The following PKD1L1 variants were observed in gnomAD, a reference collection of about 807,000 sequenced individuals.
The protein encoded by PKD1L1 is polycystin-1-like protein 1.
Under a neutral mutation model 323.4 loss-of-function variants are expected in PKD1L1, and 236 were observed. The ratio of observed to expected loss-of-function variants is 0.73; its 90% CI spans 0.66 to 0.81. The LOEUF (loss-of-function observed/expected upper bound fraction) is 0.81. Among genes scored for constraint, PKD1L1 ranks in the 40% least tolerant of loss-of-function variants. PKD1L1 has a pLI of 0.00. For synonymous variants in PKD1L1, 1,344 were observed against 1,335.0 expected (o/e 1.01, Z -0.15); for missense variants, 3,320 against 3,508.0 (o/e 0.95, Z 1.35).
chr7:47,849,815 T>C (rs892422249), intron 31 of PKD1L1, among the ~76,000 whole-genome samples: 13 of 152,204 alleles, frequency 8.5e-5, no homozygotes, highest in Admixed American at 5.9e-4. Context: ...ATGGTATGTA[T>C]GCACCATGGA....
Position 47,839,772 on chromosome 7 carries a change from T to C in PKD1L1, c.5553-110A>G. 9.3e-7 allele frequency: 1 copy of C among 1,072,984 alleles called. No individual in the cohort carries two copies. The highest frequency in any genetic ancestry group is 1.4e-6 in the Non-Finnish European group (1 of 736,746). The allele number at this position is 1,072,984 out of a possible 1,614,324, so 66.5% of individuals were successfully genotyped here. A position where few individuals can be genotyped will look rare whatever the true frequency, so the allele number is the denominator to read the frequency against. ...GCACTGATGGCCCACAGAGGGTGGA[T>C]GGGACATGTCAAAGGTGACTGACAT... is the stretch of plus-strand genomic sequence containing the variant. On this transcript the variant is annotated intron_variant, in intron 35 of 56. Transcript: ENST00000289672. The surrounding 1 kb of genome is among the most constrained non-coding windows in gnomAD (Gnocchi z 4.3).
Position 47,788,157 on chromosome 7 carries a change from AATATGTTTT to A in PKD1L1, c.8526+4461_8526+4469del, listed in dbSNP as rs1786854792. On this transcript the variant is annotated intron_variant, in intron 56 of 56. Coordinates refer to ENST00000289672, the MANE Select transcript of PKD1L1 (RefSeq NM_138295.5). ...AAATATCGATTTCATTTTTATTAAG[AATATGTTTT>A]AATACTTAGGAATGAATGTTGAATT... 2.0e-5 allele frequency among the ~76,000 whole-genome samples: 3 copies of A among 151,974 alleles called. No homozygotes were observed. In the South Asian group the frequency reaches 6.2e-4, roughly 32 times the overall value.
chr7:47,866,620 G>A lies in PKD1L1; in HGVS notation c.3897-6C>T, dbSNP rs1183147443. On this transcript the variant is annotated splice_region_variant and splice_polypyrimidine_tract_variant and intron_variant, in intron 24 of 56. Coordinates refer to ENST00000289672, the MANE Select transcript of PKD1L1 (RefSeq NM_138295.5). ...TTTTCAGGCTGGAATTATACCTGAA[G>A]GAAACACAAGAGTTATCATTACTGT... 1 of 1,591,452 alleles carries A rather than the reference G, an allele frequency of 6.3e-7. No individual in the cohort carries two copies. The highest frequency in any genetic ancestry group is 2.2e-5 in the East Asian group (1 of 44,484).
chr7:47,823,068 C>G (rs1418524463), intron 45 of PKD1L1, among the ~76,000 whole-genome samples: 1 of 151,942 alleles, frequency 6.6e-6, no homozygotes, highest in Non-Finnish European at 1.5e-5. Flanking sequence ...CTTTCTCTTG[C>G]CTATTGCATT....
At chr7:47,795,867 T>G (rs1784514342) in intron 55 of PKD1L1, 122 bp downstream of exon 55, 10 of 1,222,180 alleles carry the variant, frequency 8.2e-6, no homozygotes, top group Non-Finnish European at 1.2e-5. Flanking sequence ...TTTGTGGCTT[T>G]GCAAGGAGAT....
chr7:47,956,524 C>CA, the PKD1L1 span, among the ~76,000 whole-genome samples: 2 of 151,958 alleles, frequency 1.3e-5, no homozygotes, highest in South Asian at 4.1e-4. Flanking sequence ...GCTTAAAGAC[C>CA]AAAAAAGACA....
intron 19 of PKD1L1, among the ~76,000 whole-genome samples, chr7:47,883,273 T>TA (rs1355035907): frequency 6.6e-6 from 1 of 152,200 alleles, no homozygotes; most frequent in African/African-American, 2.4e-5. Flanking sequence ...AGCCAACTCT[T>TA]AGAGATTACA....
At chr7:47,794,178 G>A (rs1940077439) in intron 55 of PKD1L1, among the ~76,000 whole-genome samples, 1 of 152,180 alleles carries the variant, frequency 6.6e-6, no homozygotes, top group South Asian at 2.1e-4. Flanking sequence ...TGCATAAGTA[G>A]CAAGCAGCCT....
intron 24 of PKD1L1, among the ~76,000 whole-genome samples, chr7:47,868,197 A>G (rs1583633383): frequency 6.6e-6 from 1 of 152,128 alleles, no homozygotes; most frequent in East Asian, 1.9e-4. Context: ...GTGAAACCCC[A>G]TCTCTACTAA....
At chr7:47,853,921 T>A (rs917103496) in intron 30 of PKD1L1, among the ~76,000 whole-genome samples, 16 of 152,124 alleles carry the variant, frequency 1.1e-4, no homozygotes, top group African/African-American at 3.6e-4. Context: ...TGTTTGCATG[T>A]TTGTGTTAAC....
At chr7:47,885,665 T>G (rs1248653330) in intron 18 of PKD1L1, 21 bp downstream of exon 18, 1 of 1,596,960 alleles carries the variant, frequency 6.3e-7, no homozygotes, top group Non-Finnish European at 8.5e-7. Context: ...AGGGATGACA[T>G]GCAGGAACAG....
chr7:47,912,767 G>C (rs1787347867), intron 8 of PKD1L1, among the ~76,000 whole-genome samples: 1 of 126,010 alleles, frequency 7.9e-6, no homozygotes, highest in Non-Finnish European at 1.6e-5. Flanking sequence ...AGTGAGCCGA[G>C]ATCATGCCAC....
intron 8 of PKD1L1, among the ~76,000 whole-genome samples, chr7:47,912,461 G>C (rs771679043): frequency 2.9e-4 from 44 of 152,126 alleles, no homozygotes; most frequent in Non-Finnish European, 5.7e-4. Flanking sequence ...CTGGAGAAAG[G>C]TGACCCAGAG....
intron 56 of PKD1L1, among the ~76,000 whole-genome samples, chr7:47,784,450 A>T (rs1786762756): frequency 1.3e-5 from 2 of 152,282 alleles, no homozygotes; most frequent in South Asian, 4.1e-4. Context: ...TCATTTTGTC[A>T]TCTCTTTACT....
intron 7 of PKD1L1, among the ~76,000 whole-genome samples, chr7:47,919,217 A>G (rs1294648735): frequency 1.3e-5 from 2 of 152,178 alleles, no homozygotes; most frequent in Non-Finnish European, 2.9e-5. Context: ...CAGAAATACC[A>G]AAGATCATTC....
intron 28 of PKD1L1, among the ~76,000 whole-genome samples, chr7:47,856,319 G>A (rs1446338062): frequency 3.3e-5 from 5 of 152,294 alleles, no homozygotes; most frequent in East Asian, 1.9e-4. Context: ...GATTACAGGC[G>A]TGACCCACTG....
rs1784645191 is a variant in PKD1L1, at chr7:47,800,814, A to G, written c.8028T>C (p.Val2676=). 1 of 1,614,000 alleles carries G rather than the reference A, an allele frequency of 6.2e-7. No homozygotes were observed. The change falls in exon 54 of 57, where the codon GTT becomes GTC. Residue 2676 remains valine (V), a synonymous_variant. Transcript: ENST00000289672. ...CGTCTGTGAAGGTGCCAGGTGGTAG[A>G]ACCCACATAGAGAGCAGAAATCGGT... The part of the protein sequence containing the change: ...HLHRFLLSMW[V]LPPGTFTDAF...
Position 47,898,041 on chromosome 7 carries a change from G to A in PKD1L1, c.2218C>T (p.Leu740Phe), listed in dbSNP as rs764622690. 2 of 1,613,514 alleles carry A rather than the reference G, an allele frequency of 1.2e-6. No individual in the cohort carries two copies. Among genetic ancestry groups the A allele is most frequent in the South Asian group, 2.2e-5 (2 of 91,014 alleles). ...TCCAAGGTGTGGCTCGGGAGGATGA[G>A]GGTCTGTCTGTGAGTGTCCACAGCA... The part of the protein sequence containing the change: ...PAAVDTHRQT[L>F]ILPSHTLEYG... The change falls in exon 14 of 57, where the codon CTC becomes TTC. Residue 740 changes from leucine to phenylalanine, a missense_variant. Physicochemically the swap from Leu to Phe is conservative, Grantham distance 22. Transcript: ENST00000289672.
At chr7:47,867,454 C>T (rs886175386) in intron 24 of PKD1L1, among the ~76,000 whole-genome samples, 12 of 152,126 alleles carry the variant, frequency 7.9e-5, no homozygotes, top group Admixed American at 5.2e-4. Flanking sequence ...ACAAAAACAA[C>T]GACAACAAGC....
Sources: allele counts gnomAD v4.1 joint callset (sites outside exome capture counted in the v4.1 genomes callset), GRCh38; gene constraint gnomAD v4.1.1; non-coding constraint Gnocchi (gnomAD v3.1); transcripts MANE v1.5; gene names NCBI Gene and HGNC (gene_info 2026-07-23, HGNC 2026-07-21).